Variants in SNX3 observed in about 807,000 individuals in gnomAD.
The protein encoded by SNX3 is sorting nexin 3.
A neutral mutation model predicts 17.7 loss-of-function variants in SNX3; 5 were observed. The observed-to-expected ratio is 0.28, with a 90% CI of 0.15 to 0.59. SNX3 has a LOEUF of 0.59. SNX3 is among the 20% of genes least tolerant of loss of function. The probability of loss-of-function intolerance (pLI) is 0.88; values close to 1 mark genes in which losing one functional copy is unlikely to be tolerated. For synonymous variants in SNX3, 91 were observed against 76.5 expected (o/e 1.19, Z -0.99); for missense variants, 132 against 206.8 (o/e 0.64, Z 2.22).
chr6:108,227,135 T>A (rs1197253351), intron 1 of SNX3, among the ~76,000 whole-genome samples: 1 of 152,196 alleles, frequency 6.6e-6, no homozygotes, highest in Non-Finnish European at 1.5e-5. Flanking sequence ...CCTATTGGCT[T>A]TTTAACCAAG....
intron 1 of SNX3, among the ~76,000 whole-genome samples, chr6:108,251,573 T>G (rs866412361): frequency 1.3e-5 from 2 of 152,310 alleles, no homozygotes; most frequent in Middle Eastern, 3.4e-3. Flanking sequence ...TAGAAGCTGA[T>G]AGTCAAGCCA....
At chr6:108,240,918 G>A (rs900649674) in intron 1 of SNX3, among the ~76,000 whole-genome samples, 9 of 151,914 alleles carry the variant, frequency 5.9e-5, no homozygotes, top group African/African-American at 2.2e-4. Context: ...TGAGGCGGGT[G>A]GATCACGAGG....
intron 1 of SNX3, among the ~76,000 whole-genome samples, chr6:108,253,810 C>T (rs1775944079): frequency 2.0e-5 from 3 of 152,026 alleles, no homozygotes; most frequent in African/African-American, 7.2e-5. Flanking sequence ...CATATAAGTG[C>T]CCTTACTGGG....
chr6:108,221,936 T>TG (rs1443019913), intron 2 of SNX3, among the ~76,000 whole-genome samples: 1 of 152,114 alleles, frequency 6.6e-6, no homozygotes, highest in African/African-American at 2.4e-5. Flanking sequence ...TTAAAAATTT[T>TG]GGAAGAGATG....
At chr6:108,228,236 T>C (rs745521878) in intron 1 of SNX3, among the ~76,000 whole-genome samples, 14 of 151,928 alleles carry the variant, frequency 9.2e-5, no homozygotes, top group Non-Finnish European at 1.8e-4. Flanking sequence ...GAGACCCCCA[T>C]CTCTACAAAA....
chr6:108,238,287 G>C (rs1245997491), intron 1 of SNX3, among the ~76,000 whole-genome samples: 2 of 151,992 alleles, frequency 1.3e-5, no homozygotes, highest in African/African-American at 4.8e-5. Flanking sequence ...GACAAACATA[G>C]GTCAGGAAAG....
chr6:108,223,311 G>T (rs1774864466), intron 1 of SNX3, among the ~76,000 whole-genome samples: 1 of 150,228 alleles, frequency 6.7e-6, no homozygotes, highest in South Asian at 2.1e-4. Context: ...GCTAATTTTT[G>T]TATTTTTGTA....
intron 1 of SNX3, among the ~76,000 whole-genome samples, chr6:108,232,299 A>C (rs118070725): frequency 3.3e-5 from 5 of 152,196 alleles, no homozygotes; most frequent in Non-Finnish European, 7.4e-5. Flanking sequence ...TACTAATCAC[A>C]CAGGGTAAGA....
At chr6:108,232,103 G>C (rs1334012920) in intron 1 of SNX3, among the ~76,000 whole-genome samples, 1 of 152,242 alleles carries the variant, frequency 6.6e-6, no homozygotes, top group South Asian at 2.1e-4. Context: ...GACATTCAAA[G>C]AACTAGAAAA....
intron 2 of SNX3, among the ~76,000 whole-genome samples, chr6:108,222,674 G>A (rs565438613): frequency 1.1e-4 from 16 of 152,278 alleles, no homozygotes; most frequent in East Asian, 5.8e-4. Flanking sequence ...GGAATAGGAC[G>A]ATGAGGGAAA....
At chr6:108,222,607 T>C (rs1489778769) in intron 2 of SNX3, among the ~76,000 whole-genome samples, 1 of 152,206 alleles carries the variant, frequency 6.6e-6, no homozygotes, top group Non-Finnish European at 1.5e-5. Flanking sequence ...TACACTGACA[T>C]TTATAAAATG....
chr6:108,224,976 G>T (rs1774930478), intron 1 of SNX3, among the ~76,000 whole-genome samples: 1 of 152,056 alleles, frequency 6.6e-6, no homozygotes. Flanking sequence ...TCTTTTACTG[G>T]ATCCCCTTTA....
At position 108,260,942 on chromosome 6, in the gene SNX3, CG is replaced by C. The variant is rs752644620; in HGVS notation, c.-22del. ...GCCATTTCGCTGTAGCTGCTGCCGC[CG>C]CCGCGGGCTCCCTCCGCCCCCTCCG... On this transcript the variant is annotated 5_prime_UTR_variant, in exon 1 of 4. Transcript: ENST00000230085. 3.9e-6 allele frequency: 6 copies of C among 1,546,486 alleles called. No homozygotes were observed. Among genetic ancestry groups the C allele is most frequent in the Non-Finnish European group, 8.7e-7 (1 of 1,148,132 alleles).
At chr6:108,255,106 CAAT>C (rs1162256442) in intron 1 of SNX3, among the ~76,000 whole-genome samples, 2 of 152,212 alleles carry the variant, frequency 1.3e-5, no homozygotes, top group Admixed American at 6.5e-5. Flanking sequence ...CCTAAAAACT[CAAT>C]ATAACAGGAC....
intron 1 of SNX3, among the ~76,000 whole-genome samples, chr6:108,238,408 T>A (rs772611083): frequency 4.6e-5 from 7 of 152,088 alleles, no homozygotes; most frequent in Non-Finnish European, 8.8e-5. Flanking sequence ...CTCAGAGGCT[T>A]TAAAGCTAAC....
chr6:108,223,891 T>C (rs1026523205), intron 1 of SNX3, among the ~76,000 whole-genome samples: 2 of 152,176 alleles, frequency 1.3e-5, no homozygotes, highest in African/African-American at 2.4e-5. Flanking sequence ...CTGAGGATAT[T>C]TACATAAATG....
At chr6:108,251,089 A>G (rs1427676374) in intron 1 of SNX3, among the ~76,000 whole-genome samples, 2 of 152,068 alleles carry the variant, frequency 1.3e-5, no homozygotes, top group African/African-American at 4.8e-5. Context: ...AAAAAAGGTT[A>G]ATCAACTACC....
At chr6:108,214,383 A>G in intron 3 of SNX3, 115 bp downstream of exon 3, 2 of 966,674 alleles carry the variant, frequency 2.1e-6, no homozygotes, top group Non-Finnish European at 3.1e-6. Context: ...TTTAAATGAT[A>G]TGAAAAGTTA....
rs1775073686 is a variant in SNX3, at chr6:108,229,472, T to G, written c.163-6427A>C. On this transcript the variant is annotated intron_variant, in intron 1 of 3. Transcript: ENST00000230085. ...CCTTCCTTTAGAGACAGGGTCTCCCTAAGTTGCTCAGGCTGGTCTTGAACT... is the reference window on the plus strand; with the variant it reads ...CCTTCCTTTAGAGACAGGGTCTCCCGAAGTTGCTCAGGCTGGTCTTGAACT... Among the ~76,000 whole-genome samples the G allele has an allele frequency of 3.1e-5, 4 of 130,748 alleles. No individual in the cohort carries two copies. In the South Asian group the frequency reaches 8.3e-4, roughly 27 times the overall value. 85.8% of individuals were successfully genotyped at this position (130,748 alleles called of 152,430 possible).
Sources: allele counts gnomAD v4.1 joint callset (sites outside exome capture counted in the v4.1 genomes callset), GRCh38; gene constraint gnomAD v4.1.1; transcripts MANE v1.5; gene names NCBI Gene and HGNC (gene_info 2026-07-23, HGNC 2026-07-21).